CSMD1: variants seen among roughly 807,000 people sequenced by gnomAD.
CSMD1 encodes the protein CUB and sushi domain-containing protein 1.
Under a neutral mutation model 417.5 loss-of-function variants are expected in CSMD1, and 213 were observed. The ratio of observed to expected loss-of-function variants is 0.51; its 90% CI spans 0.46 to 0.57. The LOEUF (loss-of-function observed/expected upper bound fraction) is 0.57, where lower values mean the gene tolerates loss of function less well. Among genes scored for constraint, CSMD1 ranks in the 20% least tolerant of loss-of-function variants. CSMD1 has a pLI of 0.00. For synonymous variants in CSMD1, 2,862 were observed against 1,736.8 expected, an observed-to-expected ratio of 1.65 and a Z score of -16.11; for missense variants, 6,923 against 4,529.7, an observed-to-expected ratio of 1.53 and a Z score of -15.17.
chr8:4,872,142 A>C (rs1802770206), intron 1 of CSMD1, among the ~76,000 whole-genome samples: 2 of 152,104 alleles, frequency 1.3e-5, no homozygotes, highest in African/African-American at 4.8e-5. Context: ...CAATGTATTG[A>C]ATATGTAGCA....
intron 26 of CSMD1, among the ~76,000 whole-genome samples, 157 bp downstream of exon 26, chr8:3,283,987 G>C (rs566421499): frequency 2.0e-5 from 3 of 152,374 alleles, no homozygotes; most frequent in East Asian, 3.9e-4. Context: ...TGGGGGAAGA[G>C]AACTCTTCTC....
At chr8:3,603,652 A>G (rs897592778) in intron 8 of CSMD1, among the ~76,000 whole-genome samples, 26 of 152,228 alleles carry the variant, frequency 1.7e-4, no homozygotes, top group African/African-American at 6.3e-4. Context: ...ATTTTTTTCC[A>G]ACAAGAAACC....
At chr8:3,258,495 C>T (rs942356947) in intron 26 of CSMD1, among the ~76,000 whole-genome samples, 2 of 152,052 alleles carry the variant, frequency 1.3e-5, no homozygotes, top group African/African-American at 2.4e-5. Flanking sequence ...ACTGTTTGTG[C>T]AAATGTAAAT....
intron 3 of CSMD1, among the ~76,000 whole-genome samples, chr8:4,189,586 T>C (rs935973734): frequency 1.3e-5 from 2 of 152,208 alleles, no homozygotes; most frequent in East Asian, 1.9e-4. Flanking sequence ...CATGATACTA[T>C]GTTAGTTGAT....
At chr8:3,452,852 C>T (rs963993804) in intron 12 of CSMD1, among the ~76,000 whole-genome samples, 8 of 152,136 alleles carry the variant, frequency 5.3e-5, no homozygotes, top group Non-Finnish European at 1.0e-4. Flanking sequence ...AGGGAGGATT[C>T]CCTCTTTTTC....
chr8:2,974,352 G>C (rs1804736388), intron 56 of CSMD1, 99 bp downstream of exon 56: 8 of 1,144,226 alleles, frequency 7.0e-6, no homozygotes, highest in Admixed American at 3.0e-5. Flanking sequence ...CATAATTATA[G>C]GGCTTTTCAA....
chr8:4,925,054 A>C (rs1476906030), intron 1 of CSMD1, among the ~76,000 whole-genome samples: 2 of 152,082 alleles, frequency 1.3e-5, no homozygotes, highest in Non-Finnish European at 2.9e-5. Flanking sequence ...ACATACCTTA[A>C]ATAGTTTGGG....
chr8:4,783,247 T>C (rs1203189175), intron 1 of CSMD1, among the ~76,000 whole-genome samples: 1 of 152,218 alleles, frequency 6.6e-6, no homozygotes, highest in Admixed American at 6.5e-5. Context: ...TGATGTCCAC[T>C]GTCAGAACAG....
At chr8:3,763,660 G>C (rs188415079) in intron 5 of CSMD1, among the ~76,000 whole-genome samples, 2 of 152,066 alleles carry the variant, frequency 1.3e-5, no homozygotes, top group African/African-American at 4.8e-5. Context: ...ATATAGCACT[G>C]CAAAACACAC....
intron 8 of CSMD1, among the ~76,000 whole-genome samples, chr8:3,592,515 G>T (rs75228628): frequency 0.017 from 2,567 of 152,218 alleles, 76 homozygotes; most frequent in African/African-American, 0.057. Flanking sequence ...TTGTAAAATG[G>T]AGATGGATGG....
intron 3 of CSMD1, among the ~76,000 whole-genome samples, chr8:4,232,507 C>A (rs1043855858): frequency 6.6e-6 from 1 of 152,124 alleles, no homozygotes; most frequent in Non-Finnish European, 1.5e-5. Context: ...CCACACATGT[C>A]CTTTAAATTA....
chr8:4,442,962 G>A (rs1164420642), intron 2 of CSMD1, among the ~76,000 whole-genome samples: 1 of 152,136 alleles, frequency 6.6e-6, no homozygotes. Context: ...CAGCACCACA[G>A]GTATCTCCAA....
At chr8:3,235,808 A>G (rs1191647099) in intron 26 of CSMD1, among the ~76,000 whole-genome samples, 2 of 152,162 alleles carry the variant, frequency 1.3e-5, no homozygotes, top group Non-Finnish European at 2.9e-5. Context: ...ATAATAATGC[A>G]GCATGCAATT....
chr8:3,325,196 T>C (rs1044958543), intron 23 of CSMD1, among the ~76,000 whole-genome samples: 7 of 152,192 alleles, frequency 4.6e-5, no homozygotes, highest in African/African-American at 1.7e-4. Context: ...CCTGAGACGG[T>C]GTCCAGGTCT....
intron 3 of CSMD1, among the ~76,000 whole-genome samples, chr8:4,394,888 G>C (rs550524776): frequency 6.6e-6 from 1 of 152,234 alleles, no homozygotes; most frequent in African/African-American, 2.4e-5. Context: ...CTACACGTCT[G>C]TTTTCACCAC....
intron 7 of CSMD1, among the ~76,000 whole-genome samples, chr8:3,656,751 C>T (rs10099143): frequency 9.4e-4 from 143 of 152,184 alleles, no homozygotes; most frequent in Non-Finnish European, 1.7e-3. Context: ...CATGGCGAAA[C>T]CCCATCTCTA....
At chr8:4,646,978 G>T (rs1458080682) in intron 1 of CSMD1, among the ~76,000 whole-genome samples, 1 of 152,096 alleles carries the variant, frequency 6.6e-6, no homozygotes, top group African/African-American at 2.4e-5. Flanking sequence ...TCTCTCCCGG[G>T]ATGTGGACCT....
chr8:3,331,101 G>C lies in CSMD1; in HGVS notation c.3631+12193C>G, dbSNP rs554197739. ...AAAATACAAAAAATTAGCCTGGCGT[G>C]GTGGCGGGTGCCTGTAGTCCCAGCT... On this transcript the variant is annotated intron_variant, in intron 23 of 69. Coordinates refer to ENST00000635120, the MANE Select transcript of CSMD1 (RefSeq NM_033225.6). Among the ~76,000 whole-genome samples the C allele has an allele frequency of 3.9e-5, 6 of 152,196 alleles. No homozygotes were observed. In the East Asian group the frequency reaches 7.8e-4, roughly 20 times the overall value.
intron 2 of CSMD1, among the ~76,000 whole-genome samples, chr8:4,522,857 GC>G (rs1157965804): frequency 2.0e-5 from 3 of 152,166 alleles, no homozygotes; most frequent in Admixed American, 6.6e-5. Context: ...AGGGAACCAT[GC>G]CCTGGCTACG....
Sources: allele counts gnomAD v4.1 joint callset (sites outside exome capture counted in the v4.1 genomes callset), GRCh38; gene constraint gnomAD v4.1.1; transcripts MANE v1.5; gene names NCBI Gene and HGNC (gene_info 2026-07-23, HGNC 2026-07-21).